The following ATE1 variants were observed in gnomAD, a reference collection of about 807,000 sequenced individuals.
ATE1 encodes arginyl-tRNA--protein transferase 1.
Under a neutral mutation model 70.5 loss-of-function variants are expected in ATE1, and 36 were observed. The observed-to-expected ratio is 0.51, with a 90% CI of 0.39 to 0.67. The LOEUF (loss-of-function observed/expected upper bound fraction) is 0.67, where lower values mean the gene tolerates loss of function less well. Among genes scored for constraint, ATE1 ranks in the 30% least tolerant of loss-of-function variants. ATE1 has a pLI of 0.00. For missense variants in ATE1, 593 were observed against 629.5 expected (o/e 0.94, Z 0.62); for synonymous variants, 232 against 219.3 (o/e 1.06, Z -0.51).
At position 121,832,417 on chromosome 10, in the gene ATE1, G is replaced by A. The variant is rs1024767336; in HGVS notation, c.1257+4301C>T. On this transcript the variant is annotated intron_variant, in intron 10 of 11. Transcript: ENST00000224652. ...GCACTATCCCCTAACAGAGCTCAGCGTCTGATATGGTTAGGCTCTGTGTCC... is the reference window on the plus strand; with the variant it reads ...GCACTATCCCCTAACAGAGCTCAGCATCTGATATGGTTAGGCTCTGTGTCC... Among the ~76,000 whole-genome samples the A allele has an allele frequency of 3.9e-5, 6 of 152,152 alleles. No homozygotes were observed. In the South Asian group the frequency reaches 1.0e-3, roughly 26 times the overall value.
chr10:121,909,655 T>A (rs2134413709), intron 5 of ATE1, among the ~76,000 whole-genome samples: 1 of 152,300 alleles, frequency 6.6e-6, no homozygotes, highest in African/African-American at 2.4e-5. Flanking sequence ...TTTTTTAAAT[T>A]TGACAAACTA....
chr10:121,871,934 G>A (rs1949876963), intron 7 of ATE1, among the ~76,000 whole-genome samples: 3 of 152,104 alleles, frequency 2.0e-5, no homozygotes, highest in African/African-American at 7.2e-5. Context: ...TGTGGTCTTG[G>A]ATTCTTTCAT....
rs537355835 is a variant in ATE1, at chr10:121,822,570, G to T, written c.1257+14148C>A. On this transcript the variant is annotated intron_variant, in intron 10 of 11. Coordinates refer to ENST00000224652, the MANE Select transcript of ATE1 (RefSeq NM_001001976.3). ...TTACTTAAAAAGAAACTACAGGTAG[G>T]TAAGAGACACGAATTCACAGAAAAC... Among the ~76,000 whole-genome samples, 6 of 152,262 alleles carry T rather than the reference G, an allele frequency of 3.9e-5. No individual in the cohort carries two copies. In the East Asian group the frequency reaches 5.8e-4, roughly 15 times the overall value.
At position 121,911,128 on chromosome 10, in the gene ATE1, C is replaced by A. The variant is rs1951407845; in HGVS notation, c.361G>T (p.Asp121Tyr). The A allele has an allele frequency of 6.2e-7, 1 of 1,608,160 alleles. No homozygotes were observed. The highest frequency in any genetic ancestry group is 8.5e-7 in the Non-Finnish European group (1 of 1,178,982). The change falls in exon 5 of 12, where the codon GAT (aspartate) becomes TAT (tyrosine). Residue 121 changes from aspartate to tyrosine, a missense_variant. Transcript: ENST00000224652. ...GCAAAGTCACCCGCAACAGCATCAT[C>A]CATTGTGGAATCCATGGGCTCATCT... ...CEDEPMDSTMDDAVAGDFALI... is the reference protein window; with the variant it reads ...CEDEPMDSTMYDAVAGDFALI...
At chr10:121,798,869 A>G (rs1946762994) in intron 10 of ATE1, among the ~76,000 whole-genome samples, 2 of 151,250 alleles carry the variant, frequency 1.3e-5, no homozygotes, top group South Asian at 4.2e-4. Context: ...ACTGCATTCC[A>G]GCCTGGGTGA....
intron 5 of ATE1, among the ~76,000 whole-genome samples, chr10:121,910,315 T>A (rs1044768824): frequency 8.5e-5 from 13 of 152,146 alleles, no homozygotes; most frequent in African/African-American, 2.9e-4. Flanking sequence ...AACTTCACAT[T>A]TCACGAAATA....
At chr10:121,836,429 C>T (rs905303916) in intron 10 of ATE1, among the ~76,000 whole-genome samples, 6 of 152,082 alleles carry the variant, frequency 3.9e-5, no homozygotes, top group African/African-American at 4.8e-5. Context: ...TAGTGGGCTA[C>T]GCATACTCAG....
At chr10:121,919,512 G>A (rs1239413137) in intron 3 of ATE1, among the ~76,000 whole-genome samples, 1 of 152,156 alleles carries the variant, frequency 6.6e-6, no homozygotes, top group East Asian at 1.9e-4. Flanking sequence ...AGTGAGCCGA[G>A]ATAGCACCAC....
chr10:121,811,392 A>C (rs2133473129), intron 10 of ATE1, among the ~76,000 whole-genome samples: 1 of 152,364 alleles, frequency 6.6e-6, no homozygotes, highest in Non-Finnish European at 1.5e-5. Context: ...TATTCTTTGT[A>C]CTATTTTTAT....
intron 8 of ATE1, among the ~76,000 whole-genome samples, chr10:121,864,506 A>G (rs1272395225): frequency 6.6e-6 from 1 of 152,234 alleles, no homozygotes; most frequent in Non-Finnish European, 1.5e-5. Flanking sequence ...CCCCTGATGT[A>G]TGACCATTGG....
intron 11 of ATE1, among the ~76,000 whole-genome samples, chr10:121,766,206 A>AT (rs553274390): frequency 1.3e-5 from 2 of 152,226 alleles, no homozygotes; most frequent in East Asian, 3.9e-4. Context: ...TTAATTTTAG[A>AT]TTTTCTCAAT....
intron 8 of ATE1, 106 bp downstream of exon 8, chr10:121,869,900 C>T: frequency 9.4e-7 from 1 of 1,062,884 alleles, no homozygotes; most frequent in Non-Finnish European, 1.4e-6. Context: ...ATATGTGTCC[C>T]ACCAAAATGA....
chr10:121,925,688 A>C (rs1011474941), intron 1 of ATE1, among the ~76,000 whole-genome samples: 6 of 151,932 alleles, frequency 3.9e-5, no homozygotes, highest in African/African-American at 7.2e-5. Flanking sequence ...AGCCTGTGCA[A>C]CATACCAAAT....
At chr10:121,927,088 T>C (rs1367001967) in intron 1 of ATE1, 18 of 985,296 alleles carry the variant, frequency 1.8e-5, no homozygotes, top group African/African-American at 1.7e-5. Context: ...CTACATTCTA[T>C]ATTGGCAAAT....
chr10:121,809,902 C>A (rs1025610017), intron 10 of ATE1, among the ~76,000 whole-genome samples: 115 of 141,158 alleles, frequency 8.1e-4, no homozygotes, highest in South Asian at 2.0e-3. Flanking sequence ...CAAAACAAAA[C>A]AAAAAAAAAA....
At chr10:121,749,344 A>G (rs1180101025) in intron 11 of ATE1, among the ~76,000 whole-genome samples, 6 of 152,184 alleles carry the variant, frequency 3.9e-5, no homozygotes, top group Non-Finnish European at 7.3e-5. Context: ...ACAAGCAAAT[A>G]AAAACATTTA....
intron 7 of ATE1, among the ~76,000 whole-genome samples, chr10:121,884,775 AACT>A (rs983869262): frequency 2.6e-5 from 4 of 152,336 alleles, no homozygotes; most frequent in African/African-American, 9.6e-5. Context: ...TTGGTCATTT[AACT>A]ACTATTAGTT....
At chr10:121,876,632 A>G (rs564051926) in intron 7 of ATE1, among the ~76,000 whole-genome samples, 4 of 152,334 alleles carry the variant, frequency 2.6e-5, no homozygotes, top group African/African-American at 7.2e-5. Context: ...TAACAATTCT[A>G]TATCTTAAAG....
intron 11 of ATE1, among the ~76,000 whole-genome samples, chr10:121,755,874 C>T (rs1944778506): frequency 6.6e-6 from 1 of 152,192 alleles, no homozygotes; most frequent in African/African-American, 2.4e-5. Flanking sequence ...CAGAGCCAAA[C>T]CATATCATTC....
Sources: allele counts gnomAD v4.1 joint callset (sites outside exome capture counted in the v4.1 genomes callset), GRCh38; gene constraint gnomAD v4.1.1; transcripts MANE v1.5; gene names NCBI Gene and HGNC (gene_info 2026-07-23, HGNC 2026-07-21).